Variants in ARHGAP4 observed in about 807,000 individuals in gnomAD.
ARHGAP4 encodes Rho GTPase activating protein 4.
Under a neutral mutation model 67.6 loss-of-function variants are expected in ARHGAP4, and 25 were observed. That is an observed-to-expected ratio of 0.37 (90% CI 0.27 to 0.52). The LOEUF (loss-of-function observed/expected upper bound fraction) is 0.52, where lower values mean the gene tolerates loss of function less well. Among genes scored for constraint, ARHGAP4 ranks in the 20% least tolerant of loss-of-function variants. ARHGAP4 has a pLI of 0.92. For missense variants in ARHGAP4, 804 were observed against 854.6 expected, an observed-to-expected ratio of 0.94 and a Z score of 0.74; for synonymous variants, 448 against 373.7, an observed-to-expected ratio of 1.20 and a Z score of -2.29.
Position 153,910,776 on chromosome X carries a change from C to T in ARHGAP4, c.1740G>A (p.Val580=), listed in dbSNP as rs201564875. ...TAHDLDSVAG[V]LKLYFRSLEP... ...CCAGGCTCCGGAAGTAGAGCTTCAGCACCCCGGCCACCGAGTCCAGGTCAT... is the reference window on the plus strand; with the variant it reads ...CCAGGCTCCGGAAGTAGAGCTTCAGTACCCCGGCCACCGAGTCCAGGTCAT... Residue 580 remains valine (V), a synonymous_variant, in exon 15 of 22, where the codon GTG becomes GTA. Coordinates refer to ENST00000350060, the MANE Select transcript of ARHGAP4 (RefSeq NM_001666.5). The T allele has an allele frequency of 5.9e-6, 7 of 1,188,283 alleles. No individual in the cohort carries two copies. The highest frequency in any genetic ancestry group is 7.9e-6 in the Non-Finnish European group (7 of 883,915).
chrX:153,910,356 G>A lies in ARHGAP4; in HGVS notation c.1971C>T (p.Ala657=), dbSNP rs782818749. Residue 657 remains alanine (A), a synonymous_variant, in exon 17 of 22, where the codon GCC becomes GCT. Coordinates refer to ENST00000350060, the MANE Select transcript of ARHGAP4 (RefSeq NM_001666.5). The part of the protein sequence containing the change: ...DENMMDPYNL[A]VCFGPTLLPV... ...GTAGCAGCGTGGGCCCGAAGCACACGGCCAGGTTGTAGGGGTCCATCATGT... is the reference window on the plus strand; with the variant it reads ...GTAGCAGCGTGGGCCCGAAGCACACAGCCAGGTTGTAGGGGTCCATCATGT... The A allele has an allele frequency of 4.5e-5, 54 of 1,204,310 alleles. No individual in the cohort carries two copies. Among genetic ancestry groups the A allele is most frequent in the African/African-American group, 7.0e-5 (4 of 57,203 alleles).
rs1037999313 is a variant in ARHGAP4, at chrX:153,910,517, G to A, written c.1911C>T (p.Thr637=). Residue 637 remains threonine (T), a synonymous_variant, in exon 16 of 22, where the codon ACC becomes ACT. Transcript: ENST00000350060. ...PVLVVLRYLF[T]FLNHLAQYSD... ...CCCGCAGCACTCACTGGTTGAGGAA[G>A]GTGAAGAGGTAGCGCAGAACCACCA... 6 of 1,201,612 alleles carry A rather than the reference G, an allele frequency of 5.0e-6. No homozygotes were observed. The highest frequency in any genetic ancestry group is 6.7e-6 in the Non-Finnish European group (6 of 891,729).
chrX:153,925,614 C>T (rs1446997150), intron 1 of ARHGAP4, among the ~76,000 whole-genome samples: 1 of 112,721 alleles, frequency 8.9e-6, no homozygotes, highest in African/African-American at 3.2e-5. Flanking sequence ...AGACTCACTG[C>T]GCCAGCTTGA....
Position 153,920,750 on chromosome X carries a change from C to G in ARHGAP4, c.557G>C (p.Arg186Pro). 1 of 1,212,129 alleles carries G rather than the reference C, an allele frequency of 8.2e-7. No homozygotes were observed. The highest frequency in any genetic ancestry group is 1.1e-6 in the Non-Finnish European group (1 of 895,611). The change falls in exon 5 of 22, where the codon CGG becomes CCG. Residue 186 changes from arginine (R) to proline (P), a missense_variant. Physicochemically the swap from Arg to Pro is moderately radical, Grantham distance 103 (BLOSUM62 -2). This residue lies in a region of ARHGAP4 where 404 missense variants were observed against 505.9 expected (regional missense o/e 0.80). Transcript: ENST00000350060. ...CTTCTCCTCCTGCCGCTCGGCCTCC[C>G]GGAGCTTGGCCTCGGCATTCACGCT... is the stretch of plus-strand genomic sequence containing the variant. ...MESVNAEAKL[R>P]EAERQEEKRA...
In ARHGAP4 at chrX:153,925,839, C is replaced by T. The variant is rs139061875; in HGVS notation, c.67+297G>A. ...GAGGGGCACGTTGGTGCATCTGGCT[C>T]TCTTTTACCAGCGGCCACCAGTGTC... On this transcript the variant is annotated intron_variant, in intron 1 of 21. Transcript: ENST00000350060. Among the ~76,000 whole-genome samples the T allele has an allele frequency of 3.2e-3, 361 of 113,214 alleles. 7 individuals are homozygous for T. Among genetic ancestry groups the T allele is most frequent in the Admixed American group, 0.024 (263 of 10,776 alleles).
At position 153,907,534 on chromosome X, in the gene ARHGAP4, T is replaced by C. The variant is rs1264726543; in HGVS notation, c.*195A>G. ...TCCTCAGCTGCCTCCAAAAGGGGCC[T>C]GGGCCAGGGCTGAGGGGCAGGCAGG... On this transcript the variant is annotated 3_prime_UTR_variant, in exon 22 of 22. Transcript: ENST00000350060. 15 of 379,631 alleles carry C rather than the reference T, an allele frequency of 4.0e-5. No homozygotes were observed. The highest frequency in any genetic ancestry group is 6.8e-5 in the Non-Finnish European group (15 of 221,981). The allele number at this position is 379,631 out of a possible 1,213,427, so 31.3% of individuals were successfully genotyped here.
Position 153,907,909 on chromosome X carries a change from A to G in ARHGAP4, c.2661T>C (p.Ser887=). 6 of 1,068,887 alleles carry G rather than the reference A, an allele frequency of 5.6e-6. No homozygotes were observed. Among genetic ancestry groups the G allele is most frequent in the Non-Finnish European group, 7.3e-6 (6 of 821,284 alleles). The allele number at this position is 1,068,887 out of a possible 1,213,427, so 88.1% of individuals were successfully genotyped here. A position where few individuals can be genotyped will look rare whatever the true frequency, so the allele number is the denominator to read the frequency against. ...ATGCTGGCCCAAGGCCCTGGCGGAC[A>G]GAGGTCTTTCCCAAGAGCTCCTTAA... The part of the protein sequence containing the change: ...SVFKELLGKT[S]VRQGLGPAST... The change falls in exon 22 of 22, where the codon TCT becomes TCC. Residue 887 remains serine, a synonymous_variant. Coordinates refer to ENST00000350060, the MANE Select transcript of ARHGAP4 (RefSeq NM_001666.5).
chrX:153,908,309 G>A (rs917449390), intron 21 of ARHGAP4, among the ~76,000 whole-genome samples: 4 of 112,067 alleles, frequency 3.6e-5, no homozygotes, highest in Non-Finnish European at 3.8e-5. Flanking sequence ...CTCCCATGGC[G>A]TCTCCTGGCT....
At position 153,922,783 on chromosome X, in the gene ARHGAP4, C is replaced by T. The variant is rs782465792; in HGVS notation, c.68-974G>A. On this transcript the variant is annotated intron_variant, in intron 1 of 21. Coordinates refer to ENST00000350060, the MANE Select transcript of ARHGAP4 (RefSeq NM_001666.5). ...CATTCAGCAGAATGTTGATTATGCA[C>T]CCATTCTGTGGCAGGCACGTTTTAA... 4.5e-5 allele frequency among the ~76,000 whole-genome samples: 5 copies of T among 112,152 alleles called. No homozygotes were observed. The South Asian group carries it at 1.5e-3, about 33-fold the overall frequency.
chrX:153,925,683 G>A (rs963696897), intron 1 of ARHGAP4, among the ~76,000 whole-genome samples: 23 of 112,244 alleles, frequency 2.0e-4, no homozygotes, highest in African/African-American at 6.8e-4. Context: ...GGCAAAAGGT[G>A]CTGAAGCTCC....
chrX:153,913,383 C>T (rs2065034666), intron 9 of ARHGAP4, 26 bp downstream of exon 9: 3 of 1,208,500 alleles, frequency 2.5e-6, no homozygotes, highest in African/African-American at 1.7e-5. Flanking sequence ...CCCACGGGTC[C>T]CGCCCACCAG....
chrX:153,907,765 G>A lies in ARHGAP4; in HGVS notation c.2805C>T (p.His935=). 9.9e-7 allele frequency: 1 copy of A among 1,012,310 alleles called. No homozygotes were observed. The highest frequency in any genetic ancestry group is 3.7e-5 in the East Asian group (1 of 27,293). 83.4% of individuals were successfully genotyped at this position (1,012,310 alleles called of 1,213,427 possible). A position where few individuals can be genotyped will look rare whatever the true frequency, so the allele number is the denominator to read the frequency against. Residue 935 remains histidine (H), a synonymous_variant, in exon 22 of 22, where the codon CAC becomes CAT. Coordinates refer to ENST00000350060, the MANE Select transcript of ARHGAP4 (RefSeq NM_001666.5). The stretch of plus-strand genomic sequence containing the variant: ...TGGGGGTCGTGTCTAGGCCCTGGGG[G>A]TGGGAAGCTGAGGGTGAGGCTGGGG... ...PGAPASPSAS[H]PQGLDTTPKP... is the part of the protein sequence containing the mutation.
At chrX:153,914,934 T>C (rs1000359242) in intron 7 of ARHGAP4, among the ~76,000 whole-genome samples, 1 of 111,935 alleles carries the variant, frequency 8.9e-6, no homozygotes, top group Non-Finnish European at 1.9e-5. Flanking sequence ...TCTAGAAAAT[T>C]GACATTACAG....
At chrX:153,922,269 G>A (rs2065100925) in intron 1 of ARHGAP4, 16 of 782,840 alleles carry the variant, frequency 2.0e-5, no homozygotes, top group Non-Finnish European at 2.3e-5. Context: ...ACAGATCACA[G>A]TGCTGCTCAG....
At position 153,912,722 on chromosome X, in the gene ARHGAP4, C is replaced by G; in HGVS notation, c.1520G>C (p.Gly507Ala). Residue 507 changes from glycine to alanine, a missense_variant, in exon 12 of 22, where the codon GGA becomes GCA. Around this residue, in one of 2 missense-constraint regions of ARHGAP4, gnomAD observed 404 missense variants for 505.9 expected, o/e 0.80. Coordinates refer to ENST00000350060, the MANE Select transcript of ARHGAP4 (RefSeq NM_001666.5). Reference sequence around the variant, plus strand: ...TACCTGGATAAACTTCTCCATGTCTCCCCCAAAGAGTCTCTGGTTATACTG... The same window carrying G: ...TACCTGGATAAACTTCTCCATGTCTGCCCCAAAGAGTCTCTGGTTATACTG... ...SSQYNQRLFG[G>A]DMEKFIQSSG... is the part of the protein sequence containing the mutation. 1 of 1,210,140 alleles carries G rather than the reference C, an allele frequency of 8.3e-7. No homozygotes were observed. The highest frequency in any genetic ancestry group is 1.1e-6 in the Non-Finnish European group (1 of 894,443).
intron 11 of ARHGAP4, 107 bp downstream of exon 11, chrX:153,912,917 C>T: frequency 1.8e-5 from 20 of 1,126,431 alleles, no homozygotes; most frequent in South Asian, 3.9e-5. Context: ...CAATCCAGTG[C>T]GAAAACTGGG....
intron 1 of ARHGAP4, chrX:153,922,296 T>C (rs2065101157): frequency 1.3e-6 from 1 of 762,125 alleles, no homozygotes; most frequent in South Asian, 6.5e-5. Flanking sequence ...CCTGCAGCGA[T>C]CTCGCAGTCT....
chrX:153,921,001 G>A, intron 4 of ARHGAP4, 96 bp downstream of exon 4: 2 of 1,075,070 alleles, frequency 1.9e-6, no homozygotes, highest in Non-Finnish European at 2.5e-6. Flanking sequence ...AGCCTGGCTT[G>A]GGGTGATGTG....
chrX:153,910,910 G>GC lies in ARHGAP4; in HGVS notation c.1681+11dup. 2 of 543,768 alleles carry GC rather than the reference G, an allele frequency of 3.7e-6. No homozygotes were observed. The highest frequency in any genetic ancestry group is 4.9e-6 in the Non-Finnish European group (2 of 404,163). The allele number at this position is 543,768 out of a possible 1,213,427, so 44.8% of individuals were successfully genotyped here. On this transcript the variant is annotated intron_variant, in intron 14 of 21. Coordinates refer to ENST00000350060, the MANE Select transcript of ARHGAP4 (RefSeq NM_001666.5). ...CCGAGCCCCCACCCCCGCCCGCCCT[G>GC]CCCGTCCCCACCTCTCTCGAAGGCA... is the stretch of plus-strand genomic sequence containing the variant.
Sources: allele counts gnomAD v4.1 joint callset (sites outside exome capture counted in the v4.1 genomes callset), GRCh38; gene constraint gnomAD v4.1.1; regional missense constraint gnomAD v4.1.1; transcripts MANE v1.5; gene names NCBI Gene and HGNC (gene_info 2026-07-23, HGNC 2026-07-21).